The following ADAMTSL3 variants were observed in gnomAD, a reference collection of about 807,000 sequenced individuals.
The protein encoded by ADAMTSL3 is ADAMTS like 3.
ADAMTSL3 carries 128 observed loss-of-function variants against 201.7 expected under a neutral mutation model. That is an observed-to-expected ratio of 0.63 (90% confidence interval 0.55 to 0.73). The LOEUF is 0.73. Ranked by LOEUF, ADAMTSL3 falls within the 30% of genes least tolerant of loss-of-function variation. The pLI, the probability that ADAMTSL3 is intolerant of heterozygous loss-of-function variation, is 0.00. For synonymous variants in ADAMTSL3, 738 were observed against 748.4 expected (o/e 0.99, Z 0.23); for missense variants, 1,990 against 2,119.6 (o/e 0.94, Z 1.20).
chr15:84,010,770 G>A (rs1411888429), intron 23 of ADAMTSL3, among the ~76,000 whole-genome samples: 1 of 152,160 alleles, frequency 6.6e-6, no homozygotes, highest in Non-Finnish European at 1.5e-5. Flanking sequence ...CTTTTTAAAA[G>A]TTGGGGATAG....
At chr15:83,922,745 T>C (rs937178425) in intron 16 of ADAMTSL3, among the ~76,000 whole-genome samples, 3 of 152,208 alleles carry the variant, frequency 2.0e-5, no homozygotes, top group African/African-American at 4.8e-5. Context: ...ATCACAAATA[T>C]ATATTTTAGA....
intron 2 of ADAMTSL3, among the ~76,000 whole-genome samples, chr15:83,694,105 A>T (rs891866725): frequency 5.9e-5 from 9 of 152,214 alleles, no homozygotes; most frequent in African/African-American, 2.2e-4. Flanking sequence ...CCCTGAGAGC[A>T]TGTTCTTCTT....
At chr15:83,824,409 A>C (rs952892314) in intron 6 of ADAMTSL3, among the ~76,000 whole-genome samples, 7 of 152,124 alleles carry the variant, frequency 4.6e-5, no homozygotes, top group African/African-American at 1.2e-4. Context: ...TTAAACGCAC[A>C]GCCTCCCCTA....
At chr15:83,982,104 A>G (rs1476080389) in intron 20 of ADAMTSL3, among the ~76,000 whole-genome samples, 169 bp from the exon 21 acceptor site, 3 of 152,182 alleles carry the variant, frequency 2.0e-5, no homozygotes, top group African/African-American at 7.2e-5. Context: ...AATTTACCCC[A>G]ATCTGTGGAT....
In ADAMTSL3 at chr15:83,758,511, G is replaced by C. The variant is rs75766445; in HGVS notation, c.190-15012G>C. On this transcript the variant is annotated intron_variant, in intron 3 of 29. Coordinates refer to ENST00000286744, the MANE Select transcript of ADAMTSL3 (RefSeq NM_207517.3). ...AATTCAAGATTTGGATGGGGACACAGCCAAACCATATCACTCACTAACAGT... is the reference window on the plus strand; with the variant it reads ...AATTCAAGATTTGGATGGGGACACACCCAAACCATATCACTCACTAACAGT... Among the ~76,000 whole-genome samples, 1,159 of 152,318 alleles carry C rather than the reference G, an allele frequency of 7.6e-3. 19 individuals carry two copies. Among genetic ancestry groups the C allele is most frequent in the Non-Finnish European group, 0.012 (818 of 68,028 alleles).
intron 5 of ADAMTSL3, among the ~76,000 whole-genome samples, chr15:83,811,580 A>G (rs1314504695): frequency 2.0e-5 from 3 of 152,224 alleles, no homozygotes; most frequent in African/African-American, 7.2e-5. Context: ...TCGAGTGAAG[A>G]TATGATGCCC....
At chr15:84,021,273 C>T in intron 25 of ADAMTSL3, 137 bp from the exon 26 acceptor site, 1 of 844,364 alleles carries the variant, frequency 1.2e-6, no homozygotes, top group Admixed American at 2.3e-5. Flanking sequence ...GACTCCCTTG[C>T]ACTATGAGAT....
In ADAMTSL3 at chr15:84,025,375, G is replaced by T. The variant is rs143304781; in HGVS notation, c.4595G>T (p.Arg1532Leu). The T allele has an allele frequency of 6.2e-7, 1 of 1,614,082 alleles. No homozygotes were observed. ...CCAAGAGCATGTGCCCCTAAAGACC[G>T]GCCTCTGGGAAGAAAACCATGTTTT... ...VSPRACAPKD[R>L]PLGRKPCFGH... Residue 1532 changes from arginine to leucine, a missense_variant, in exon 27 of 30, where the codon CGG becomes CTG. Arg to Leu is a moderately radical substitution (Grantham distance 102). Coordinates refer to ENST00000286744, the MANE Select transcript of ADAMTSL3 (RefSeq NM_207517.3).
intron 3 of ADAMTSL3, among the ~76,000 whole-genome samples, chr15:83,746,349 T>C (rs1219619768): frequency 6.6e-6 from 1 of 150,818 alleles, no homozygotes; most frequent in Non-Finnish European, 1.5e-5. Flanking sequence ...CAAGGGAGGC[T>C]GGGAAAGTGT....
In ADAMTSL3 at chr15:83,661,865, A is replaced by T. The variant is rs12148468; in HGVS notation, c.69+6035A>T. 7.0e-3 allele frequency among the ~76,000 whole-genome samples: 1,035 copies of T among 148,116 alleles called. 9 individuals are homozygous for T. The highest frequency in any genetic ancestry group is 9.3e-3 in the Non-Finnish European group (622 of 67,022). ...CATCAGAGAAATGCAAATCAAAACC[A>T]CTATGAGATACCACCTCACACCAGT... On this transcript the variant is annotated intron_variant, in intron 2 of 29. Transcript: ENST00000286744.
chr15:83,810,061 A>G (rs142468412), intron 5 of ADAMTSL3, among the ~76,000 whole-genome samples: 1 of 152,278 alleles, frequency 6.6e-6, no homozygotes, highest in Non-Finnish European at 1.5e-5. Flanking sequence ...TGAAGCTGAC[A>G]TTTCTATCTG....
rs369311150 is a variant in ADAMTSL3, at chr15:83,709,531, C to T, written c.189+5023C>T. 7.9e-5 allele frequency among the ~76,000 whole-genome samples: 12 copies of T among 152,226 alleles called. No homozygotes were observed. The South Asian group carries it at 8.3e-4, about 11-fold the overall frequency. On this transcript the variant is annotated intron_variant, in intron 3 of 29. Transcript: ENST00000286744. ...GGTCACTGCACATGGTTCTTTTCAT[C>T]GCTGAGTAAGTCAGTTTTTGGAGAT...
chr15:84,023,978 G>A (rs1056701735), intron 26 of ADAMTSL3, among the ~76,000 whole-genome samples: 8 of 152,260 alleles, frequency 5.3e-5, no homozygotes, highest in African/African-American at 9.6e-5. Flanking sequence ...ATATATCGCC[G>A]GGCGCAGTGG....
intron 17 of ADAMTSL3, among the ~76,000 whole-genome samples, chr15:83,932,746 A>G (rs140736062): frequency 1.2e-4 from 18 of 152,338 alleles, no homozygotes; most frequent in Admixed American, 5.9e-4. Context: ...GGAGGAATGT[A>G]TCTTCTACCC....
At chr15:84,036,247 T>G (rs74026639) in intron 28 of ADAMTSL3, among the ~76,000 whole-genome samples, 9 of 152,364 alleles carry the variant, frequency 5.9e-5, no homozygotes, top group Admixed American at 5.2e-4. Context: ...TATTCTCATA[T>G]GGTCTTCAGT....
intron 8 of ADAMTSL3, among the ~76,000 whole-genome samples, chr15:83,868,166 T>TA (rs550069739): frequency 6.6e-5 from 10 of 152,076 alleles, no homozygotes; most frequent in Non-Finnish European, 1.3e-4. Context: ...GCCTACACAC[T>TA]AACCACCTTG....
chr15:83,700,079 G>T (rs1382183890), intron 2 of ADAMTSL3, among the ~76,000 whole-genome samples: 1 of 152,164 alleles, frequency 6.6e-6, no homozygotes, highest in East Asian at 1.9e-4. Flanking sequence ...TGAGAACTGT[G>T]CCAGGCATAT....
chr15:83,742,428 C>A (rs2062471773), intron 3 of ADAMTSL3, among the ~76,000 whole-genome samples: 1 of 151,630 alleles, frequency 6.6e-6, no homozygotes, highest in Non-Finnish European at 1.5e-5. Context: ...ACAAAATATA[C>A]CTAAAGGAAT....
At chr15:83,858,379 T>A (rs771478286) in intron 7 of ADAMTSL3, among the ~76,000 whole-genome samples, 23 of 152,204 alleles carry the variant, frequency 1.5e-4, no homozygotes, top group Non-Finnish European at 3.1e-4. Flanking sequence ...AAGATTTATT[T>A]ATTTTTTTCT....
Sources: gnomAD v4.1 joint callset for allele counts (sites outside exome capture counted in the v4.1 genomes callset) on GRCh38, gnomAD v4.1.1 for gene constraint, MANE v1.5 for transcripts, NCBI Gene and HGNC (gene_info 2026-07-23, HGNC 2026-07-21) for gene names.